MYL12B: variants seen among roughly 807,000 people sequenced by gnomAD.
MYL12B encodes the protein myosin light chain 12B, also known as myosin regulatory light chain 12B.
In MYL12B, 3 loss-of-function variants were observed where a neutral mutation model predicts 12.9. That is an observed-to-expected ratio of 0.23 (90% CI 0.11 to 0.60). The LOEUF (loss-of-function observed/expected upper bound fraction) is 0.60. Among genes scored for constraint, MYL12B ranks in the 20% least tolerant of loss-of-function variants. The probability of loss-of-function intolerance (pLI) is 0.89; values close to 1 mark genes in which losing one functional copy is unlikely to be tolerated. For missense variants in MYL12B, 120 were observed against 215.4 expected (o/e 0.56, Z 2.77); for synonymous variants, 57 against 71.9 (o/e 0.79, Z 1.05).
intron 1 of MYL12B, among the ~76,000 whole-genome samples, chr18:3,270,784 C>T (rs555094119): frequency 1.6e-4 from 24 of 152,262 alleles, no homozygotes; most frequent in Non-Finnish European, 7.4e-5. Flanking sequence ...CCTTCCACCC[C>T]AGCCTCCCAA....
chr18:3,271,100 TGAA>T (rs928703200), intron 1 of MYL12B, among the ~76,000 whole-genome samples: 9 of 152,250 alleles, frequency 5.9e-5, no homozygotes, highest in African/African-American at 2.2e-4. Flanking sequence ...TGACTAATCT[TGAA>T]GAAATTGAGT....
intron 1 of MYL12B, among the ~76,000 whole-genome samples, chr18:3,269,495 G>T (rs1328608899): frequency 6.6e-6 from 1 of 152,162 alleles, no homozygotes; most frequent in Non-Finnish European, 1.5e-5. Flanking sequence ...CTGGGTAGAT[G>T]ATTGGAAACA....
Position 3,277,416 on chromosome 18 carries a change from T to TGA in MYL12B, c.346+4_346+5dup, listed in dbSNP as rs779500418. ...CTTGCTTTGATGAAGAAGCAACAGG[T>TGA]GAGTGCTATTTGTTTATGCCCAGCC... On this transcript the variant is annotated splice_region_variant and intron_variant, in intron 3 of 3. Transcript: ENST00000237500. 2.5e-6 allele frequency: 4 copies of TGA among 1,613,764 alleles called. No individual in the cohort carries two copies. Among genetic ancestry groups the TGA allele is most frequent in the Non-Finnish European group, 3.4e-6 (4 of 1,179,928 alleles).
chr18:3,265,437 T>TA (rs1411962317), intron 1 of MYL12B, among the ~76,000 whole-genome samples: 2 of 151,976 alleles, frequency 1.3e-5, no homozygotes, highest in African/African-American at 4.8e-5. Context: ...TGAGGTGGAG[T>TA]AAAAATGACC....
At chr18:3,277,497 C>T (rs1264851401) in intron 3 of MYL12B, 83 bp downstream of exon 3, 1 of 1,531,818 alleles carries the variant, frequency 6.5e-7, no homozygotes, top group Non-Finnish European at 8.7e-7. Context: ...TCTTTTTTTA[C>T]CTTTAGAAAA....
At chr18:3,277,225 T>C in intron 2 of MYL12B, 28 bp from the exon 3 acceptor site, 1 of 1,525,742 alleles carries the variant, frequency 6.6e-7, no homozygotes, top group Non-Finnish European at 8.9e-7. Context: ...GTTTTTGTCT[T>C]TAAATGTTAA....
chr18:3,273,211 G>C, intron 2 of MYL12B, 129 bp downstream of exon 2: 1 of 1,060,102 alleles, frequency 9.4e-7, no homozygotes, highest in Non-Finnish European at 1.3e-6. Flanking sequence ...ATTTCTGGGT[G>C]TGGGAGGTGC....
intron 2 of MYL12B, among the ~76,000 whole-genome samples, chr18:3,274,211 A>C (rs1049431071): frequency 6.6e-6 from 1 of 152,206 alleles, no homozygotes; most frequent in Non-Finnish European, 1.5e-5. Context: ...TCAGTACTGA[A>C]GAAGGCCTCT....
intron 1 of MYL12B, among the ~76,000 whole-genome samples, chr18:3,268,765 G>A (rs1182345819): frequency 6.6e-6 from 1 of 152,170 alleles, no homozygotes; most frequent in Non-Finnish European, 1.5e-5. Context: ...AAATATACAA[G>A]GAGAAACAAC....
At chr18:3,274,005 T>G (rs1212812045) in intron 2 of MYL12B, among the ~76,000 whole-genome samples, 1 of 152,198 alleles carries the variant, frequency 6.6e-6, no homozygotes, top group African/African-American at 2.4e-5. Flanking sequence ...CTTTTAAGCC[T>G]ACAAAAAGTG....
At chr18:3,269,854 A>G (rs2081663126) in intron 1 of MYL12B, among the ~76,000 whole-genome samples, 1 of 152,232 alleles carries the variant, frequency 6.6e-6, no homozygotes, top group Non-Finnish European at 1.5e-5. Flanking sequence ...CAAATACACC[A>G]TTTTACATAA....
chr18:3,278,189 T>C lies in MYL12B; in HGVS notation c.*252T>C. 1 of 335,972 alleles carries C rather than the reference T, an allele frequency of 3.0e-6. No homozygotes were observed. Among genetic ancestry groups the C allele is most frequent in the Non-Finnish European group, 5.4e-6 (1 of 185,918 alleles). The allele number at this position is 335,972 out of a possible 1,614,324, so 20.8% of individuals were successfully genotyped here. On this transcript the variant is annotated 3_prime_UTR_variant, in exon 4 of 4. Coordinates refer to ENST00000237500, the MANE Select transcript of MYL12B (RefSeq NM_033546.4). ...CAACAAATGTGAAAGCCCAGAAAAA[T>C]ATATTCGTATTTCTGGTTTTGCTGG...
At chr18:3,271,785 C>G (rs2081681129) in intron 1 of MYL12B, among the ~76,000 whole-genome samples, 1 of 151,878 alleles carries the variant, frequency 6.6e-6, no homozygotes, top group Non-Finnish European at 1.5e-5. Context: ...TTATTTAAAA[C>G]TGCAAATTAA....
chr18:3,273,851 G>GTTT lies in MYL12B; in HGVS notation c.184+777_184+779dup, dbSNP rs1555636125. On this transcript the variant is annotated intron_variant, in intron 2 of 3. Coordinates refer to ENST00000237500, the MANE Select transcript of MYL12B (RefSeq NM_033546.4). ...CAAAAAGGCAAAGAAAGAGGTGGGGGTTTTTTTTTTCTCTCTTTTAATGCC... is the reference window on the plus strand; with the variant it reads ...CAAAAAGGCAAAGAAAGAGGTGGGGGTTTTTTTTTTTTTCTCTCTTTTAATGCC... Among the ~76,000 whole-genome samples, 127 of 115,416 alleles carry GTTT rather than the reference G, an allele frequency of 1.1e-3. 3 individuals are homozygous for GTTT. The South Asian group carries it at 0.033, about 30-fold the overall frequency. 75.7% of individuals were successfully genotyped at this position (115,416 alleles called of 152,430 possible). A position where few individuals can be genotyped will look rare whatever the true frequency, so the allele number is the denominator to read the frequency against.
chr18:3,272,302 G>GGATTGAGGC, intron 1 of MYL12B: 23 of 202,774 alleles, frequency 1.1e-4, no homozygotes, highest in Non-Finnish European at 1.8e-4. Context: ...GGGAATAAGA[G>GGATTGAGGC]TACCTACCAT....
At chr18:3,276,353 C>T (rs1008104284) in intron 2 of MYL12B, 16 of 834,532 alleles carry the variant, frequency 1.9e-5, no homozygotes, top group Non-Finnish European at 2.2e-5. Flanking sequence ...CACCACGGGG[C>T]CTCAAAAACA....
At position 3,278,204 on chromosome 18, in the gene MYL12B, G is replaced by C; in HGVS notation, c.*267G>C. ...CCCAGAAAAATATATTCGTATTTCT[G>C]GTTTTGCTGGATTTTTACATTTTTA... On this transcript the variant is annotated 3_prime_UTR_variant, in exon 4 of 4. Transcript: ENST00000237500. The C allele has an allele frequency of 3.4e-6, 1 of 295,108 alleles. No homozygotes were observed. The highest frequency in any genetic ancestry group is 6.2e-6 in the Non-Finnish European group (1 of 160,514). The allele number at this position is 295,108 out of a possible 1,614,324, so 18.3% of individuals were successfully genotyped here.
At chr18:3,272,756 C>A in intron 1 of MYL12B, 128 bp from the exon 2 acceptor site, 1 of 871,254 alleles carries the variant, frequency 1.1e-6, no homozygotes, top group Non-Finnish European at 1.7e-6. Context: ...ATACTTATTC[C>A]TACCCAATTG....
chr18:3,277,158 C>A (rs2144367373), intron 2 of MYL12B, 95 bp from the exon 3 acceptor site: 2 of 1,291,216 alleles, frequency 1.5e-6, no homozygotes, highest in Non-Finnish European at 1.0e-6. Context: ...AAATGATGTA[C>A]ATTTTAAAAA....
Sources: allele counts gnomAD v4.1 joint callset (sites outside exome capture counted in the v4.1 genomes callset), GRCh38; gene constraint gnomAD v4.1.1; transcripts MANE v1.5; gene names NCBI Gene and HGNC (gene_info 2026-07-23, HGNC 2026-07-21).